Variants in P3H2 observed in about 807,000 individuals in gnomAD.
P3H2 encodes leprecan-like 1.
Under a neutral mutation model 87.0 loss-of-function variants are expected in P3H2, and 80 were observed. The ratio of observed to expected loss-of-function variants is 0.92; its 90% CI spans 0.77 to 1.11. The LOEUF (loss-of-function observed/expected upper bound fraction) is 1.11. Ranked by LOEUF, P3H2 falls within the 50% of genes least tolerant of loss-of-function variation. The pLI, the probability that P3H2 is intolerant of heterozygous loss-of-function variation, is 0.00. For synonymous variants in P3H2, 367 were observed against 359.3 expected, an observed-to-expected ratio of 1.02 and a Z score of -0.24; for missense variants, 1,001 against 923.9, an observed-to-expected ratio of 1.08 and a Z score of -1.08.
rs922181646 is a variant in P3H2 at position 189,957,177 on chromosome 3, C to T, written c.*735G>A. 2.3e-5 allele frequency: 9 copies of T among 398,544 alleles called. No homozygotes were observed. The highest frequency in any genetic ancestry group is 4.4e-5 in the Admixed American group (1 of 22,716). The allele number at this position is 398,544 out of a possible 1,614,324, so 24.7% of individuals were successfully genotyped here. ...TACAGTAATCATCCATGAGATCTCC[C>T]GGAGCCTGGGTGATCATTACGCCCA... On this transcript the variant is annotated 3_prime_UTR_variant, in exon 15 of 15. Transcript: ENST00000319332.
intron 13 of P3H2, among the ~76,000 whole-genome samples, chr3:189,966,189 AAG>A (rs1723001345): frequency 1.4e-5 from 2 of 141,448 alleles, no homozygotes; most frequent in Non-Finnish European, 3.1e-5. Context: ...GAAAGAAAGA[AAG>A]AAAAGCCTTC....
intron 8 of P3H2, among the ~76,000 whole-genome samples, chr3:189,978,721 C>A (rs1723428733): frequency 6.6e-6 from 1 of 151,922 alleles, no homozygotes; most frequent in Non-Finnish European, 1.5e-5. Context: ...GAAACCCTAT[C>A]ATTCAACAGG....
intron 14 of P3H2, among the ~76,000 whole-genome samples, chr3:189,962,365 G>C (rs1722845439): frequency 6.6e-6 from 1 of 151,732 alleles, no homozygotes; most frequent in Non-Finnish European, 1.5e-5. Flanking sequence ...AGTAGAGATG[G>C]GGTTTCACCA....
intron 1 of P3H2, among the ~76,000 whole-genome samples, chr3:190,068,455 TGGGAA>T (rs1726585076): frequency 6.6e-6 from 1 of 152,130 alleles, no homozygotes; most frequent in African/African-American, 2.4e-5. Flanking sequence ...CATATGTTGG[TGGGAA>T]GTTACCCCAC....
chr3:190,108,480 A>C (rs954361123), intron 1 of P3H2, among the ~76,000 whole-genome samples: 3 of 152,244 alleles, frequency 2.0e-5, no homozygotes, highest in Non-Finnish European at 4.4e-5. Flanking sequence ...AGCCATATTT[A>C]AGATGACTGG....
chr3:190,000,010 GT>G (rs1318971467), intron 1 of P3H2, among the ~76,000 whole-genome samples: 2 of 152,192 alleles, frequency 1.3e-5, no homozygotes, highest in Non-Finnish European at 2.9e-5. Context: ...AGTGAATGAG[GT>G]TCCTCTGACA....
chr3:190,112,765 C>T (rs16865077), intron 1 of P3H2, among the ~76,000 whole-genome samples: 18,830 of 151,542 alleles, frequency 0.12, 1,283 homozygotes, highest in Middle Eastern at 0.21. Context: ...ACACTAGGAA[C>T]GCCACTCAGA....
chr3:190,049,545 A>G (rs1374922), intron 1 of P3H2, among the ~76,000 whole-genome samples: 124,438 of 152,216 alleles, frequency 0.82, 51,060 homozygotes, highest in East Asian at 0.88. Flanking sequence ...TCTATGGAAA[A>G]TTAAGAATTG....
chr3:190,093,444 G>A (rs1472888686), intron 1 of P3H2, among the ~76,000 whole-genome samples: 1 of 152,204 alleles, frequency 6.6e-6, no homozygotes, highest in African/African-American at 2.4e-5. Flanking sequence ...ATAGAGGAAA[G>A]TTCTGCTGGA....
At chr3:190,114,705 T>C (rs1161256235) in intron 1 of P3H2, among the ~76,000 whole-genome samples, 3 of 152,172 alleles carry the variant, frequency 2.0e-5, no homozygotes, top group African/African-American at 7.2e-5. Context: ...CCTGTAAGTT[T>C]TGATGGTTTA....
intron 1 of P3H2, among the ~76,000 whole-genome samples, chr3:190,093,287 G>T (rs1465338672): frequency 6.6e-6 from 1 of 152,136 alleles, no homozygotes; most frequent in African/African-American, 2.4e-5. Context: ...TGTAAAGCTT[G>T]ACAAGACAGA....
chr3:189,980,765 T>A (rs2108914376), intron 8 of P3H2, among the ~76,000 whole-genome samples: 1 of 152,110 alleles, frequency 6.6e-6, no homozygotes. Context: ...TCCCAAGGGA[T>A]AAGAGTGTCC....
At chr3:189,967,538 C>G (rs1252189954) in intron 13 of P3H2, among the ~76,000 whole-genome samples, 1 of 150,262 alleles carries the variant, frequency 6.7e-6, no homozygotes, top group Non-Finnish European at 1.5e-5. Flanking sequence ...ATTTTTGTAC[C>G]TCAGTTTCAG....
At chr3:189,987,035 C>T (rs570859053) in intron 5 of P3H2, among the ~76,000 whole-genome samples, 158 bp from the exon 6 acceptor site, 19 of 152,280 alleles carry the variant, frequency 1.2e-4, no homozygotes, top group African/African-American at 4.3e-4. Context: ...TACTTTCACA[C>T]GCTAGCATGT....
chr3:190,036,938 A>T (rs1288359660), intron 1 of P3H2, among the ~76,000 whole-genome samples: 1 of 57,898 alleles, frequency 1.7e-5, no homozygotes, highest in African/African-American at 7.3e-5. Flanking sequence ...AACGTTGGAA[A>T]GATAAAAATA....
At chr3:190,110,530 A>G (rs1283065354) in intron 1 of P3H2, among the ~76,000 whole-genome samples, 1 of 152,234 alleles carries the variant, frequency 6.6e-6, no homozygotes, top group African/African-American at 2.4e-5. Context: ...AATGGCATGT[A>G]TAAGAATCAA....
intron 8 of P3H2, among the ~76,000 whole-genome samples, chr3:189,979,125 T>TA (rs925607341): frequency 5.3e-5 from 8 of 151,680 alleles, no homozygotes; most frequent in East Asian, 3.9e-4. Flanking sequence ...CTTTTACAGT[T>TA]AAAAAAACAA....
intron 1 of P3H2, among the ~76,000 whole-genome samples, chr3:190,024,741 C>T (rs79304513): frequency 0.023 from 3,424 of 151,988 alleles, 125 homozygotes; most frequent in African/African-American, 0.077. Context: ...AAAACTCTAT[C>T]GTCCCCAATA....
intron 6 of P3H2, among the ~76,000 whole-genome samples, chr3:189,985,471 T>C (rs543794148): frequency 6.6e-6 from 1 of 151,744 alleles, no homozygotes; most frequent in African/African-American, 2.4e-5. Context: ...CAAATGCCTG[T>C]TCAATCTGTT....
Sources: gnomAD v4.1 joint callset for allele counts (sites outside exome capture counted in the v4.1 genomes callset) on GRCh38, gnomAD v4.1.1 for gene constraint, MANE v1.5 for transcripts, NCBI Gene and HGNC (gene_info 2026-07-23, HGNC 2026-07-21) for gene names.